Variants in ZNF19 observed in about 807,000 individuals in gnomAD.
ZNF19 encodes the protein zinc finger protein 19 (KOX 12).
Under a neutral mutation model 13.1 loss-of-function variants are expected in ZNF19, and 11 were observed. That is an observed-to-expected ratio of 0.84 (90% CI 0.53 to 1.39). The LOEUF (loss-of-function observed/expected upper bound fraction) is 1.39. ZNF19 is among the 40% of genes most tolerant of loss of function. ZNF19 has a pLI of 0.00. For missense variants in ZNF19, 560 were observed against 547.0 expected, an observed-to-expected ratio of 1.02 and a Z score of -0.24; for synonymous variants, 186 against 187.0, an observed-to-expected ratio of 0.99 and a Z score of 0.04.
chr16:71,477,583 C>T (rs75109932), intron 5 of ZNF19, among the ~76,000 whole-genome samples: 48 of 152,150 alleles, frequency 3.2e-4, no homozygotes, highest in Admixed American at 5.2e-4. Context: ...TCCTGGGGAT[C>T]GTTTCAACCC....
At position 71,478,329 on chromosome 16, in the gene ZNF19, G is replaced by A; in HGVS notation, c.173C>T (p.Pro58Leu). ...GNLTALGYPV[P>L]KPALISLLER... is the part of the protein sequence containing the mutation. ...CAAAAGTGAGATCAGTGCAGGTTTG[G>A]GAACTGGGTACCCTGAAAACAGGAA... is the stretch of plus-strand genomic sequence containing the variant. The change falls in exon 5 of 6, where the codon CCC becomes CTC. Residue 58 changes from proline (P) to leucine (L), a missense_variant. Transcript: ENST00000288177. 1 of 1,613,442 alleles carries A rather than the reference G, an allele frequency of 6.2e-7. No homozygotes were observed. The highest frequency in any genetic ancestry group is 8.5e-7 in the Non-Finnish European group (1 of 1,179,560).
At chr16:71,480,422 CCT>C (rs1325936693) in intron 3 of ZNF19, among the ~76,000 whole-genome samples, 9 of 152,106 alleles carry the variant, frequency 5.9e-5, no homozygotes, top group Non-Finnish European at 1.3e-4. Flanking sequence ...AATATTTTTC[CCT>C]CTCTGTTGAT....
At chr16:71,479,749 T>G (rs2043626032) in intron 3 of ZNF19, among the ~76,000 whole-genome samples, 1 of 152,144 alleles carries the variant, frequency 6.6e-6, no homozygotes, top group Admixed American at 6.6e-5. Flanking sequence ...AGCCTCATGC[T>G]TCTTGGGTTT....
In ZNF19 at chr16:71,475,856, T is replaced by A. The variant is rs147699542; in HGVS notation, c.691A>T (p.Asn231Tyr). ...TGGATTCTCTGATGCCTGATCAGAT[T>A]TGCATTATCATTAAAGGCTCGCCCA... The part of the protein sequence containing the change: ...ECGRAFNDNA[N>Y]LIRHQRIHSG... The change falls in exon 6 of 6, where the codon AAT becomes TAT. Residue 231 changes from asparagine to tyrosine, a missense_variant. Transcript: ENST00000288177. 4.3e-6 allele frequency: 7 copies of A among 1,612,980 alleles called. No homozygotes were observed. The highest frequency in any genetic ancestry group is 1.3e-5 in the African/African-American group (1 of 74,728).
intron 1 of ZNF19, among the ~76,000 whole-genome samples, chr16:71,485,247 C>T (rs1302180898): frequency 4.6e-5 from 7 of 151,934 alleles, no homozygotes; most frequent in African/African-American, 7.3e-5. Flanking sequence ...GTCAGGAGTT[C>T]GAGACCAGCC....
intron 3 of ZNF19, among the ~76,000 whole-genome samples, chr16:71,481,654 AG>A (rs975334469): frequency 1.3e-5 from 2 of 152,092 alleles, no homozygotes; most frequent in African/African-American, 4.8e-5. Context: ...TTTCTTTTGG[AG>A]GACAAATTAG....
In ZNF19 at chr16:71,475,102, C is replaced by A; in HGVS notation, c.*68G>T. The A allele has an allele frequency of 1.4e-6, 2 of 1,476,804 alleles. No individual in the cohort carries two copies. The highest frequency in any genetic ancestry group is 1.8e-6 in the Non-Finnish European group (2 of 1,107,406). The allele number at this position is 1,476,804 out of a possible 1,614,324, so 91.5% of individuals were successfully genotyped here. On this transcript the variant is annotated 3_prime_UTR_variant, in exon 6 of 6. Transcript: ENST00000288177. ...GGATGGATCAGAGGCTGAGTCAGGC[C>A]TGTGTCACACATTCCATTCCTGAGT... is the stretch of plus-strand genomic sequence containing the variant.
rs1033999016 is a variant in ZNF19, at chr16:71,475,254, A to G, written c.1293T>C (p.Leu431=). 1 of 1,614,192 alleles carries G rather than the reference A, an allele frequency of 6.2e-7. No individual in the cohort carries two copies. Among genetic ancestry groups the G allele is most frequent in the Non-Finnish European group, 8.5e-7 (1 of 1,180,014 alleles). ...AFGTSSQLGH[L]EHVYSGEKPV... ...GCTTCTCTCCAGAGTAGACATGCTC[A>G]AGGTGACCTAGCTGGGAAGAAGTCC... Residue 431 remains leucine, a synonymous_variant, in exon 6 of 6, where the codon CTT becomes CTC. Coordinates refer to ENST00000288177, the MANE Select transcript of ZNF19 (RefSeq NM_006961.4).
At position 71,474,792 on chromosome 16, in the gene ZNF19, G is replaced by A. The variant is rs1365710347; in HGVS notation, c.*378C>T. 1.2e-5 allele frequency: 2 copies of A among 171,352 alleles called. No homozygotes were observed. Among genetic ancestry groups the A allele is most frequent in the Admixed American group, 5.9e-5 (1 of 16,902 alleles). The allele number at this position is 171,352 out of a possible 1,614,324, so 10.6% of individuals were successfully genotyped here. On this transcript the variant is annotated 3_prime_UTR_variant, in exon 6 of 6. Transcript: ENST00000288177. The stretch of plus-strand genomic sequence containing the variant: ...CAAACAAAAATGGAATTTATTGGCT[G>A]CTGCAATTCAAAAACCCGTATATAT...
chr16:71,480,201 T>C (rs915871065), intron 3 of ZNF19, among the ~76,000 whole-genome samples: 1 of 152,166 alleles, frequency 6.6e-6, no homozygotes, highest in African/African-American at 2.4e-5. Flanking sequence ...CCTCAGATGT[T>C]GGTATTGAAC....
In ZNF19 at chr16:71,476,182, C is replaced by T; in HGVS notation, c.365G>A (p.Ser122Asn). ...DGMMSHGQLK[S>N]VPQRTDFPET... ...TGGGAAGTCAGTTCTCTGAGGGACA[C>T]TCTTCAGCTGACCATGTGACATCAT... The change falls in exon 6 of 6, where the codon AGT becomes AAT. Residue 122 changes from serine (S) to asparagine (N), a missense_variant. Physicochemically the swap from Ser to Asn is conservative, Grantham distance 46. Coordinates refer to ENST00000288177, the MANE Select transcript of ZNF19 (RefSeq NM_006961.4). 6.2e-7 allele frequency: 1 copy of T among 1,614,184 alleles called. No individual in the cohort carries two copies. The highest frequency in any genetic ancestry group is 8.5e-7 in the Non-Finnish European group (1 of 1,180,014).
chr16:71,481,450 T>C (rs1343918964), intron 3 of ZNF19, among the ~76,000 whole-genome samples: 1 of 152,232 alleles, frequency 6.6e-6, no homozygotes, highest in Admixed American at 6.5e-5. Flanking sequence ...ACCTTACAAA[T>C]GAATCCAGTT....
intron 3 of ZNF19, among the ~76,000 whole-genome samples, chr16:71,479,746 T>C (rs749665178): frequency 4.6e-5 from 7 of 152,118 alleles, no homozygotes; most frequent in Admixed American, 6.6e-5. Context: ...CCAAGCCTCA[T>C]GCTTCTTGGG....
chr16:71,489,241 C>T, intron 1 of ZNF19, 31 bp downstream of exon 1: 1 of 985,484 alleles, frequency 1.0e-6, no homozygotes, highest in Non-Finnish European at 1.2e-6. Flanking sequence ...ACCCAAGCTC[C>T]GCCCAACTGT....
chr16:71,478,296 CCTCTCTCCAAAAGTG>C lies in ZNF19; in HGVS notation c.191_205del (p.Ser64_Gly69delinsTrp), dbSNP rs1284741543. The C allele has an allele frequency of 6.2e-7, 1 of 1,614,102 alleles. No homozygotes were observed. Among genetic ancestry groups the C allele is most frequent in the Non-Finnish European group, 8.5e-7 (1 of 1,180,036 alleles). On this transcript the variant is annotated inframe_deletion, in exon 5 of 6. Transcript: ENST00000288177. ...TGCTTCCAGGCCCCAAGCCATGTCC[CCTCTCTCCAAAAGTG>C]AGATCAGTGCAGGTTTGGGAACTGG...
chr16:71,487,125 A>G (rs961599720), intron 1 of ZNF19: 2 of 152,124 alleles, frequency 1.3e-5, no homozygotes, highest in Non-Finnish European at 2.9e-5. Context: ...TGTATACTTG[A>G]TATGTTTTGG....
chr16:71,485,448 C>A (rs1241209985), intron 1 of ZNF19, among the ~76,000 whole-genome samples: 1 of 131,654 alleles, frequency 7.6e-6, no homozygotes, highest in Non-Finnish European at 1.6e-5. Context: ...AAAACTCCAT[C>A]TCAAAAAAAA....
rs1247229025 is a variant in ZNF19 at position 71,476,106 on chromosome 16, G to C, written c.441C>G (p.Ile147Met). 1 of 1,614,142 alleles carries C rather than the reference G, an allele frequency of 6.2e-7. No individual in the cohort carries two copies. Among genetic ancestry groups the C allele is most frequent in the East Asian group, 2.2e-5 (1 of 44,876 alleles). The change falls in exon 6 of 6, where the codon ATC becomes ATG. Residue 147 changes from isoleucine to methionine, a missense_variant. Transcript: ENST00000288177. ...KHQDIPTVKNIQGKVPRIPCA... is the reference protein window; with the variant it reads ...KHQDIPTVKNMQGKVPRIPCA... ...AGGGGATTCTTGGAACCTTTCCTTG[G>C]ATATTTTTCACTGTGGGGATGTCCT...
Position 71,478,898 on chromosome 16 carries a change from A to C in ZNF19, c.141T>G (p.Phe47Leu). The C allele has an allele frequency of 6.2e-7, 1 of 1,614,154 alleles. No individual in the cohort carries two copies. The highest frequency in any genetic ancestry group is 8.5e-7 in the Non-Finnish European group (1 of 1,179,972). ...CCTTACCCAAAGCAGTCAGGTTCCC[A>C]AAATTCTCCAACATCACACTTCTGT... ...ALYRSVMLEN[F>L]GNLTALGYPV... Residue 47 changes from phenylalanine to leucine, a missense_variant, in exon 4 of 6, where the codon TTT becomes TTG. Phe to Leu is a conservative substitution (Grantham distance 22, BLOSUM62 0). Coordinates refer to ENST00000288177, the MANE Select transcript of ZNF19 (RefSeq NM_006961.4).
Sources: allele counts gnomAD v4.1 joint callset (sites outside exome capture counted in the v4.1 genomes callset), GRCh38; gene constraint gnomAD v4.1.1; transcripts MANE v1.5; gene names NCBI Gene and HGNC (gene_info 2026-07-23, HGNC 2026-07-21).